The following EIPR1 variants were observed in gnomAD, a reference collection of about 807,000 sequenced individuals.
EIPR1 encodes the protein EARP complex and GARP complex interacting protein 1, also known as EARP and GARP complex-interacting protein 1.
In EIPR1, 25 loss-of-function variants were observed where a neutral mutation model predicts 48.1. The observed-to-expected ratio is 0.52, with a 90% confidence interval of 0.38 to 0.73. EIPR1 has a LOEUF of 0.73. EIPR1 is among the 30% of genes least tolerant of loss of function. EIPR1 has a pLI of 0.00. For synonymous variants in EIPR1, 204 were observed against 201.9 expected (o/e 1.01, Z -0.09); for missense variants, 415 against 506.2 (o/e 0.82, Z 1.73).
chr2:3,318,567 A>G (rs1303532590), intron 3 of EIPR1, among the ~76,000 whole-genome samples: 4 of 152,342 alleles, frequency 2.6e-5, no homozygotes, highest in Admixed American at 2.0e-4. Context: ...TCGGCCTCGA[A>G]AAAATGGCCC....
intron 2 of EIPR1, among the ~76,000 whole-genome samples, chr2:3,338,930 T>C (rs1235805105): frequency 1.3e-5 from 2 of 152,176 alleles, no homozygotes; most frequent in Non-Finnish European, 2.9e-5. Context: ...TATTCATGGG[T>C]CTACACAAAA....
At chr2:3,281,738 C>G (rs1237612019) in intron 3 of EIPR1, among the ~76,000 whole-genome samples, 1 of 152,172 alleles carries the variant, frequency 6.6e-6, no homozygotes, top group Non-Finnish European at 1.5e-5. Context: ...CCTGTCCAAC[C>G]ATCCCAAATT....
At chr2:3,328,957 A>ATG (rs1208361857) in intron 3 of EIPR1, among the ~76,000 whole-genome samples, 6 of 64,484 alleles carry the variant, frequency 9.3e-5, no homozygotes, top group Admixed American at 1.4e-4. Context: ...ATCTCAGGGC[A>ATG]CCAGCCAGGC....
intron 1 of EIPR1, among the ~76,000 whole-genome samples, chr2:3,366,620 G>A (rs1670978933): frequency 6.6e-6 from 1 of 152,060 alleles, no homozygotes; most frequent in Non-Finnish European, 1.5e-5. Context: ...AAATCCATGT[G>A]TTTAAAATGC....
chr2:3,261,905 A>G (rs1045151321), intron 3 of EIPR1: 1 of 152,208 alleles, frequency 6.6e-6, no homozygotes. Context: ...AGTGGTAGAG[A>G]CCTGCGCTTA....
intron 4 of EIPR1, among the ~76,000 whole-genome samples, chr2:3,235,092 C>T (rs982431544): frequency 4.6e-5 from 7 of 152,212 alleles, no homozygotes; most frequent in Non-Finnish European, 5.9e-5. Context: ...CAGTTTCAGA[C>T]TAACATGCAA....
intron 4 of EIPR1, among the ~76,000 whole-genome samples, chr2:3,226,609 A>G (rs1666074181): frequency 6.6e-6 from 1 of 152,118 alleles, no homozygotes; most frequent in Non-Finnish European, 1.5e-5. Flanking sequence ...AAACTTTTAA[A>G]TCTGATGCAC....
chr2:3,241,640 C>T (rs142713279), intron 4 of EIPR1, among the ~76,000 whole-genome samples: 13 of 152,226 alleles, frequency 8.5e-5, no homozygotes, highest in East Asian at 1.9e-4. Flanking sequence ...GGACATAAAA[C>T]GATATGAACA....
chr2:3,345,298 T>C (rs1344221584), intron 2 of EIPR1, among the ~76,000 whole-genome samples: 5 of 152,164 alleles, frequency 3.3e-5, no homozygotes, highest in Middle Eastern at 3.4e-3. Flanking sequence ...AAAAAAATTA[T>C]TGGGGCATAA....
chr2:3,193,994 C>T lies in EIPR1; in HGVS notation c.821+5G>A. 2.5e-6 allele frequency: 4 copies of T among 1,613,376 alleles called. No homozygotes were observed. The highest frequency in any genetic ancestry group is 3.4e-6 in the Non-Finnish European group (4 of 1,179,890). ...CCTCCCTGAAGCAGCCAGGAGCGGC[C>T]CTACCAGTGGGAGTGCTCCTCCAGG... On this transcript the variant is annotated splice_donor_5th_base_variant and intron_variant, in intron 7 of 8. Coordinates refer to ENST00000382125, the MANE Select transcript of EIPR1 (RefSeq NM_003310.5).
chr2:3,290,562 A>G (rs1292081096), intron 3 of EIPR1, among the ~76,000 whole-genome samples: 1 of 151,978 alleles, frequency 6.6e-6, no homozygotes, highest in African/African-American at 2.4e-5. Flanking sequence ...AAATAGACTT[A>G]GTCTTTGTAA....
At chr2:3,249,173 T>C (rs969187067) in intron 4 of EIPR1, among the ~76,000 whole-genome samples, 2 of 152,174 alleles carry the variant, frequency 1.3e-5, no homozygotes, top group Admixed American at 1.3e-4. Flanking sequence ...AGTTTGGAAT[T>C]TCTTAGAGAC....
At chr2:3,274,366 C>G in intron 3 of EIPR1, 1 of 1,550,500 alleles carries the variant, frequency 6.4e-7, no homozygotes, top group Non-Finnish European at 8.7e-7. Context: ...AACAGTTGGG[C>G]AGCTGACTTC....
At chr2:3,212,890 C>G (rs942812770) in intron 5 of EIPR1, among the ~76,000 whole-genome samples, 23 of 152,230 alleles carry the variant, frequency 1.5e-4, no homozygotes, top group African/African-American at 5.3e-4. Context: ...ACGCCCAACA[C>G]TTAATTCCGC....
At chr2:3,295,733 TAC>T (rs1668551983) in intron 3 of EIPR1, among the ~76,000 whole-genome samples, 3 of 59,900 alleles carry the variant, frequency 5.0e-5, no homozygotes, top group South Asian at 7.1e-4. Context: ...CCTCTCTACA[TAC>T]ACACACCCTC....
chr2:3,335,483 G>A (rs1042069719), intron 3 of EIPR1, among the ~76,000 whole-genome samples: 1 of 152,024 alleles, frequency 6.6e-6, no homozygotes, highest in African/African-American at 2.4e-5. Flanking sequence ...CTGGTGGGGG[G>A]ACAGGGCAAG....
chr2:3,289,806 G>A (rs528718173), intron 3 of EIPR1, among the ~76,000 whole-genome samples: 7 of 152,282 alleles, frequency 4.6e-5, no homozygotes, highest in Middle Eastern at 3.4e-3. Context: ...TATCCTTCCC[G>A]GGGCTTCCCG....
intron 3 of EIPR1, among the ~76,000 whole-genome samples, chr2:3,301,779 T>C (rs1572415399): frequency 6.6e-6 from 1 of 152,242 alleles, no homozygotes; most frequent in South Asian, 2.1e-4. Context: ...GGATGGTTAG[T>C]CATCTTTGAT....
intron 3 of EIPR1, among the ~76,000 whole-genome samples, chr2:3,260,235 G>C (rs1369133780): frequency 6.6e-6 from 1 of 152,222 alleles, no homozygotes; most frequent in Non-Finnish European, 1.5e-5. Context: ...GCTCACGCCT[G>C]TAATCCCAGC....
Sources: gnomAD v4.1 joint callset for allele counts (sites outside exome capture counted in the v4.1 genomes callset) on GRCh38, gnomAD v4.1.1 for gene constraint, MANE v1.5 for transcripts, NCBI Gene and HGNC (gene_info 2026-07-23, HGNC 2026-07-21) for gene names.